The following ZNF407 variants were observed in gnomAD, a reference collection of about 807,000 sequenced individuals.
ZNF407 encodes zinc finger protein 407.
A neutral mutation model predicts 131.2 loss-of-function variants in ZNF407; 17 were observed. The observed-to-expected ratio is 0.13, with a 90% CI of 0.09 to 0.19. The LOEUF is 0.19. ZNF407 is among the 10% of genes least tolerant of loss of function. The pLI is 1.00. For missense variants in ZNF407, 2,681 were observed against 2,830.6 expected (o/e 0.95, Z 1.20); for synonymous variants, 1,156 against 1,062.0 (o/e 1.09, Z -1.72).
At chr18:74,679,783 G>A (rs1355738958) in intron 3 of ZNF407, among the ~76,000 whole-genome samples, 1 of 152,120 alleles carries the variant, frequency 6.6e-6, no homozygotes, top group African/African-American at 2.4e-5. Flanking sequence ...GGATGATCTT[G>A]TGAATACTTG....
chr18:74,913,252 G>A (rs1478554310), intron 7 of ZNF407, among the ~76,000 whole-genome samples: 1 of 152,300 alleles, frequency 6.6e-6, no homozygotes, highest in East Asian at 1.9e-4. Context: ...GCATTCTACA[G>A]GATTATTCAC....
At chr18:74,992,968 T>A (rs2122141259) in intron 8 of ZNF407, among the ~76,000 whole-genome samples, 1 of 152,250 alleles carries the variant, frequency 6.6e-6, no homozygotes, top group African/African-American at 2.4e-5. Flanking sequence ...TAAAAAGACT[T>A]AAGAATGCCA....
At chr18:74,603,404 A>G (rs1335204031) in intron 1 of ZNF407, among the ~76,000 whole-genome samples, 2 of 152,242 alleles carry the variant, frequency 1.3e-5, no homozygotes, top group Non-Finnish European at 2.9e-5. Flanking sequence ...GCTGCTCTCC[A>G]GAGACAATCA....
intron 8 of ZNF407, among the ~76,000 whole-genome samples, chr18:75,002,108 G>A (rs767676392): frequency 3.9e-5 from 6 of 152,322 alleles, no homozygotes; most frequent in South Asian, 4.1e-4. Flanking sequence ...CCATGTGAGC[G>A]CAACTGCAGC....
intron 4 of ZNF407, among the ~76,000 whole-genome samples, chr18:74,872,671 C>T (rs1035516665): frequency 6.7e-6 from 1 of 150,096 alleles, no homozygotes; most frequent in Non-Finnish European, 1.5e-5. Context: ...GCAGGGGAAT[C>T]GCTTGAACTG....
intron 3 of ZNF407, among the ~76,000 whole-genome samples, chr18:74,759,948 GTC>G (rs10662564): frequency 0.77 from 109,780 of 142,866 alleles, 45,391 homozygotes; most frequent in Non-Finnish European, 0.91. Context: ...TACTTTACAT[GTC>G]TCTCTCTCTC....
chr18:74,879,339 C>A (rs963626187), intron 5 of ZNF407, among the ~76,000 whole-genome samples: 2 of 152,094 alleles, frequency 1.3e-5, no homozygotes, highest in Non-Finnish European at 2.9e-5. Flanking sequence ...CTCCCACTAG[C>A]ACACACCACC....
At chr18:74,804,953 C>T (rs1970086449) in intron 4 of ZNF407, among the ~76,000 whole-genome samples, 1 of 152,198 alleles carries the variant, frequency 6.6e-6, no homozygotes, top group African/African-American at 2.4e-5. Context: ...CCTGGGCTGC[C>T]AGGTCACATC....
chr18:74,808,407 C>T (rs541385111), intron 4 of ZNF407, among the ~76,000 whole-genome samples: 24 of 152,086 alleles, frequency 1.6e-4, no homozygotes, highest in African/African-American at 5.1e-4. Context: ...ACTATTAAAA[C>T]GATTGAAACA....
chr18:74,692,323 T>G (rs946503118), intron 3 of ZNF407, among the ~76,000 whole-genome samples: 4 of 152,032 alleles, frequency 2.6e-5, no homozygotes, highest in African/African-American at 9.7e-5. Context: ...TTTTTATCCT[T>G]TCATCAGTGC....
intron 8 of ZNF407, among the ~76,000 whole-genome samples, chr18:74,958,381 A>G (rs903528927): frequency 6.6e-6 from 1 of 152,168 alleles, no homozygotes; most frequent in Non-Finnish European, 1.5e-5. Context: ...TCAGGGTTGC[A>G]GGGAGATTAT....
intron 4 of ZNF407, among the ~76,000 whole-genome samples, chr18:74,796,064 C>T (rs977489475): frequency 1.3e-5 from 2 of 152,222 alleles, no homozygotes; most frequent in Non-Finnish European, 2.9e-5. Context: ...CCTCAGGTGG[C>T]AGACTTAGTC....
At chr18:74,923,624 A>G (rs1207497482) in intron 8 of ZNF407, among the ~76,000 whole-genome samples, 2 of 152,212 alleles carry the variant, frequency 1.3e-5, no homozygotes, top group South Asian at 2.1e-4. Flanking sequence ...GTTTCCTACT[A>G]TAATTGTGGA....
intron 3 of ZNF407, among the ~76,000 whole-genome samples, chr18:74,699,633 C>T (rs956584085): frequency 6.6e-6 from 1 of 152,052 alleles, no homozygotes; most frequent in Non-Finnish European, 1.5e-5. Flanking sequence ...CAAGTTAATC[C>T]TTACTGTCCT....
intron 8 of ZNF407, among the ~76,000 whole-genome samples, chr18:75,027,932 G>A (rs1455856834): frequency 6.6e-6 from 1 of 152,202 alleles, no homozygotes; most frequent in East Asian, 1.9e-4. Context: ...TGTAGAACCT[G>A]TGAGAGAACA....
chr18:74,662,067 C>T (rs966734168), intron 3 of ZNF407, among the ~76,000 whole-genome samples: 10 of 149,974 alleles, frequency 6.7e-5, no homozygotes, highest in African/African-American at 2.2e-4. Context: ...GTATGATCAA[C>T]TGGAATGCAG....
At chr18:74,743,055 C>T (rs952359572) in intron 3 of ZNF407, among the ~76,000 whole-genome samples, 4 of 151,920 alleles carry the variant, frequency 2.6e-5, no homozygotes, top group Non-Finnish European at 4.4e-5. Context: ...ATAATGCAAG[C>T]GTTGATGGAA....
At chr18:74,778,947 A>T (rs546544499) in intron 3 of ZNF407, among the ~76,000 whole-genome samples, 36 of 151,774 alleles carry the variant, frequency 2.4e-4, no homozygotes, top group Admixed American at 4.6e-4. Flanking sequence ...GATTATGTAT[A>T]TATATTTTTA....
chr18:74,605,811 T>A (rs1346371715), intron 1 of ZNF407, among the ~76,000 whole-genome samples: 1 of 152,180 alleles, frequency 6.6e-6, no homozygotes, highest in Admixed American at 6.5e-5. Flanking sequence ...ACTAGAAAGG[T>A]ACGTCATTAA....
Sources: gnomAD v4.1 joint callset for allele counts (sites outside exome capture counted in the v4.1 genomes callset) on GRCh38, gnomAD v4.1.1 for gene constraint, MANE v1.5 for transcripts, NCBI Gene and HGNC (gene_info 2026-07-23, HGNC 2026-07-21) for gene names.